LYRM4: variants seen among roughly 807,000 people sequenced by gnomAD.
LYRM4 encodes LYR motif-containing protein 4.
LYRM4 carries 9 observed loss-of-function variants against 11.7 expected under a neutral mutation model. That is an observed-to-expected ratio of 0.77 (90% CI 0.46 to 1.34). The LOEUF is 1.34. Ranked by LOEUF, LYRM4 falls within the 40% of genes most tolerant of loss-of-function variation. The probability of loss-of-function intolerance (pLI) is 0.00; values close to 1 mark genes in which losing one functional copy is unlikely to be tolerated. For synonymous variants in LYRM4, 42 were observed against 40.4 expected (o/e 1.04, Z -0.15); for missense variants, 133 against 112.5 (o/e 1.18, Z -0.82).
chr6:5,112,708 AG>A (rs148703878), intron 2 of LYRM4, among the ~76,000 whole-genome samples: 4,161 of 152,322 alleles, frequency 0.027, 55 homozygotes, highest in Middle Eastern at 0.082. Context: ...TAGCATGAGG[AG>A]GGCACGCAGG....
intron 2 of LYRM4, among the ~76,000 whole-genome samples, chr6:5,172,414 G>A (rs1304709936): frequency 6.6e-6 from 1 of 152,166 alleles, no homozygotes; most frequent in African/African-American, 2.4e-5. Flanking sequence ...GTCCAGGAAC[G>A]ATGACCACAG....
At chr6:5,116,451 C>A (rs1763122767) in intron 2 of LYRM4, among the ~76,000 whole-genome samples, 1 of 152,154 alleles carries the variant, frequency 6.6e-6, no homozygotes, top group African/African-American at 2.4e-5. Flanking sequence ...TGTAACAGTT[C>A]TCTTGCATTT....
At chr6:5,035,213 C>A in the LYRM4 span, among the ~76,000 whole-genome samples, 7 of 152,056 alleles carry the variant, frequency 4.6e-5, no homozygotes. Flanking sequence ...CCTCGAATCA[C>A]AAGAATTGGC....
intron 1 of LYRM4, among the ~76,000 whole-genome samples, chr6:5,238,011 G>A (rs1298392568): frequency 2.0e-5 from 3 of 152,158 alleles, no homozygotes; most frequent in Non-Finnish European, 4.4e-5. Context: ...CTGCTGGGAA[G>A]CTCAGAACCA....
At chr6:5,086,376 C>T in the LYRM4 span, 1 of 1,536,106 alleles carries the variant, frequency 6.5e-7, no homozygotes, top group Non-Finnish European at 8.7e-7. Context: ...AGCCAGGCGC[C>T]GAGTGCTTCC....
chr6:5,196,914 A>G (rs996786980), intron 2 of LYRM4, among the ~76,000 whole-genome samples: 19 of 152,226 alleles, frequency 1.2e-4, no homozygotes. Flanking sequence ...TAGAAGTTCC[A>G]CTGTGACAAC....
intron 1 of LYRM4, among the ~76,000 whole-genome samples, chr6:5,223,778 G>C (rs1485698203): frequency 1.3e-5 from 2 of 152,188 alleles, no homozygotes; most frequent in Non-Finnish European, 2.9e-5. Flanking sequence ...GCAACCAATG[G>C]AGGCTCGTGG....
chr6:5,112,372 G>T (rs999933694), intron 2 of LYRM4, among the ~76,000 whole-genome samples: 6 of 152,212 alleles, frequency 3.9e-5, no homozygotes, highest in Admixed American at 3.9e-4. Context: ...TGTGATGAGC[G>T]AGCGAGCGAA....
intron 1 of LYRM4, among the ~76,000 whole-genome samples, chr6:5,257,633 G>A (rs1475010118): frequency 1.3e-5 from 2 of 152,202 alleles, no homozygotes; most frequent in Non-Finnish European, 2.9e-5. Flanking sequence ...TCTCCTGTCA[G>A]ATCAGCGGCG....
the LYRM4 span, among the ~76,000 whole-genome samples, chr6:5,058,360 A>C: frequency 1.3e-5 from 2 of 152,130 alleles, no homozygotes. Flanking sequence ...GGCCTGTCCC[A>C]AGCCTGCTTT....
intron 2 of LYRM4, among the ~76,000 whole-genome samples, chr6:5,208,744 G>C (rs188907888): frequency 3.4e-4 from 52 of 152,240 alleles, no homozygotes; most frequent in Middle Eastern, 3.4e-3. Flanking sequence ...GGAATTTCTA[G>C]AAAAAGCAGG....
At chr6:5,171,314 T>C (rs935387555) in intron 2 of LYRM4, among the ~76,000 whole-genome samples, 1 of 152,192 alleles carries the variant, frequency 6.6e-6, no homozygotes, top group Non-Finnish European at 1.5e-5. Context: ...TCTCCTTTCC[T>C]GTCAGGCACA....
chr6:5,055,848 G>A, the LYRM4 span, among the ~76,000 whole-genome samples: 1 of 152,188 alleles, frequency 6.6e-6, no homozygotes, highest in African/African-American at 2.4e-5. This position sits in a 1 kb window ranked among gnomAD's most constrained non-coding sequence, Gnocchi z 4.5. Context: ...CCTTGAAACA[G>A]TTAAAAACCA....
At chr6:5,040,352 GATAC>G in the LYRM4 span, among the ~76,000 whole-genome samples, 922 of 130,100 alleles carry the variant, frequency 7.1e-3, 14 homozygotes, top group South Asian at 0.032. Context: ...TAGATAGATA[GATAC>G]ATACATACAT....
intron 2 of LYRM4, among the ~76,000 whole-genome samples, chr6:5,110,089 T>C (rs1762811500): frequency 6.6e-6 from 1 of 152,212 alleles, no homozygotes; most frequent in Non-Finnish European, 1.5e-5. Context: ...CTGTCCCAGG[T>C]GGATGCTGGA....
chr6:5,245,113 A>AAAATATATAT (rs70974183), intron 1 of LYRM4, among the ~76,000 whole-genome samples: 1 of 24,140 alleles, frequency 4.1e-5, no homozygotes, highest in Non-Finnish European at 6.6e-5. Flanking sequence ...AAAAAAAAAA[A>AAAATATATAT]ATATATATAT....
At chr6:5,098,639 A>C (rs1762409256), downstream of LYRM4, among the ~76,000 whole-genome samples, 1 of 152,174 alleles carries the variant, frequency 6.6e-6, no homozygotes, top group African/African-American at 2.4e-5. Flanking sequence ...AGCTGGAAAC[A>C]ATGCATGCTG....
chr6:5,208,117 T>C (rs1761800629), intron 2 of LYRM4, among the ~76,000 whole-genome samples: 1 of 152,192 alleles, frequency 6.6e-6, no homozygotes, highest in South Asian at 2.1e-4. Flanking sequence ...TAGGAGACAC[T>C]GAGACAACGT....
At chr6:5,139,862 G>A (rs1248826828) in intron 2 of LYRM4, among the ~76,000 whole-genome samples, 1 of 144,414 alleles carries the variant, frequency 6.9e-6, no homozygotes, top group Non-Finnish European at 1.5e-5. Context: ...TTTTGAGACA[G>A]GGTCTTGCTC....
Sources: gnomAD v4.1 joint callset for allele counts (sites outside exome capture counted in the v4.1 genomes callset) on GRCh38, gnomAD v4.1.1 for gene constraint, Gnocchi (gnomAD v3.1) non-coding constraint, MANE v1.5 for transcripts, NCBI Gene and HGNC (gene_info 2026-07-23, HGNC 2026-07-21) for gene names.